SH3D19: variants seen among roughly 807,000 people sequenced by gnomAD.
The protein encoded by SH3D19 is SH3 domain containing 19.
In SH3D19, 58 loss-of-function variants were observed where a neutral mutation model predicts 112.1. The observed-to-expected ratio is 0.52, with a 90% confidence interval of 0.42 to 0.64. The LOEUF is 0.64. SH3D19 is among the 30% of genes least tolerant of loss of function. SH3D19 has a pLI of 0.00. For synonymous variants in SH3D19, 391 were observed against 448.5 expected (o/e 0.87, Z 1.62); for missense variants, 1,090 against 1,263.4 (o/e 0.86, Z 2.08).
intron 2 of SH3D19, among the ~76,000 whole-genome samples, chr4:151,200,241 T>TACATACATACACATACAC (rs1764205098): frequency 1.3e-5 from 2 of 149,572 alleles, no homozygotes; most frequent in Non-Finnish European, 3.0e-5. Context: ...CATACACACA[T>TACATACATACACATACAC]ACATACATAC....
chr4:151,127,831 G>GGT (rs1749750690), intron 18 of SH3D19, 116 bp from the exon 19 acceptor site: 1 of 528,376 alleles, frequency 1.9e-6, no homozygotes, highest in African/African-American at 2.0e-5. Flanking sequence ...TCTCTTCAGA[G>GGT]GTAGTGATAT....
chr4:151,252,158 T>G (rs1771467965), intron 1 of SH3D19, among the ~76,000 whole-genome samples: 1 of 152,234 alleles, frequency 6.6e-6, no homozygotes, highest in Non-Finnish European at 1.5e-5. Context: ...TTCTGTGTCA[T>G]CAATTTCCTC....
At chr4:151,194,489 G>A (rs946794166) in intron 2 of SH3D19, among the ~76,000 whole-genome samples, 8 of 151,048 alleles carry the variant, frequency 5.3e-5, no homozygotes, top group Non-Finnish European at 1.0e-4. Flanking sequence ...AACAACTACA[G>A]ACTGATTTTT....
chr4:151,304,901 G>A (rs1047159671), intron 1 of SH3D19, among the ~76,000 whole-genome samples: 1 of 152,176 alleles, frequency 6.6e-6, no homozygotes, highest in Non-Finnish European at 1.5e-5. Context: ...TACTGAAGGT[G>A]TGTCAAAACA....
At chr4:151,196,800 AAAAC>A (rs1763534531) in intron 2 of SH3D19, among the ~76,000 whole-genome samples, 1 of 152,220 alleles carries the variant, frequency 6.6e-6, no homozygotes, top group South Asian at 2.1e-4. Context: ...CAGCAAGTAA[AAAAC>A]AAACAATCCC....
At chr4:151,265,565 TTTTC>T (rs1280775549) in intron 1 of SH3D19, among the ~76,000 whole-genome samples, 2 of 102,176 alleles carry the variant, frequency 2.0e-5, no homozygotes, top group Non-Finnish European at 4.6e-5. Flanking sequence ...ATTTTATTTC[TTTTC>T]TTTTTTTTTT....
rs1035884609 is a variant in SH3D19, at chr4:151,265,409, G to C, written c.113-39323C>G. 2.6e-5 allele frequency among the ~76,000 whole-genome samples: 4 copies of C among 151,172 alleles called. No individual in the cohort carries two copies. The South Asian group carries it at 6.3e-4, about 24-fold the overall frequency. On this transcript the variant is annotated intron_variant, in intron 1 of 19. Transcript: ENST00000604030. Reference sequence around the variant, plus strand: ...GAGAAGATGATGGATCTAGATAGTGGAGCCAAAAAATAGAAGGAGATAAAA... The same window carrying C: ...GAGAAGATGATGGATCTAGATAGTGCAGCCAAAAAATAGAAGGAGATAAAA...
At chr4:151,129,322 A>G (rs529931812) in intron 17 of SH3D19, among the ~76,000 whole-genome samples, 7 of 152,310 alleles carry the variant, frequency 4.6e-5, no homozygotes, top group African/African-American at 1.7e-4. Context: ...CCAATTTGGG[A>G]TGGGAACCCT....
intron 1 of SH3D19, among the ~76,000 whole-genome samples, chr4:151,284,111 T>C (rs1774509690): frequency 6.6e-6 from 1 of 152,210 alleles, no homozygotes; most frequent in Non-Finnish European, 1.5e-5. Flanking sequence ...ATCTATTCTT[T>C]AACATATTTC....
chr4:151,137,687 C>A, intron 14 of SH3D19, 45 bp downstream of exon 14: 1 of 1,477,568 alleles, frequency 6.8e-7, no homozygotes, highest in Non-Finnish European at 9.0e-7. Context: ...TCACATAGAA[C>A]CCACTGAGTA....
At chr4:151,287,097 T>C in intron 1 of SH3D19, among the ~76,000 whole-genome samples, 1 of 151,602 alleles carries the variant, frequency 6.6e-6, no homozygotes, top group East Asian at 1.9e-4. Context: ...TCCCAGCACT[T>C]TGGGAGGCCG....
intron 2 of SH3D19, among the ~76,000 whole-genome samples, chr4:151,203,575 C>G (rs1028889866): frequency 6.6e-6 from 1 of 152,100 alleles, no homozygotes; most frequent in Non-Finnish European, 1.5e-5. Flanking sequence ...GATGCCAGCC[C>G]CACCAACTTA....
intron 1 of SH3D19, among the ~76,000 whole-genome samples, chr4:151,246,547 TAGAA>T (rs1392666358): frequency 6.6e-6 from 1 of 152,210 alleles, no homozygotes; most frequent in Non-Finnish European, 1.5e-5. Context: ...CTCCAGGAAA[TAGAA>T]AGGTGAGATA....
At chr4:151,126,901 C>G (rs1047648364) in intron 19 of SH3D19, among the ~76,000 whole-genome samples, 1 of 137,146 alleles carries the variant, frequency 7.3e-6, no homozygotes, top group African/African-American at 2.7e-5. Flanking sequence ...CCTTTGCAAA[C>G]TAGCTCAACC....
intron 1 of SH3D19, among the ~76,000 whole-genome samples, chr4:151,242,733 G>A (rs1366488446): frequency 6.6e-6 from 1 of 152,114 alleles, no homozygotes; most frequent in Non-Finnish European, 1.5e-5. Flanking sequence ...CAGTTGATTA[G>A]GAAATTAATG....
chr4:151,238,945 G>A (rs1264224305), intron 1 of SH3D19, among the ~76,000 whole-genome samples: 1 of 151,922 alleles, frequency 6.6e-6, no homozygotes, highest in Non-Finnish European at 1.5e-5. Context: ...AAATGATACA[G>A]AAATACAAAC....
At chr4:151,280,627 A>T (rs1292727690) in intron 1 of SH3D19, among the ~76,000 whole-genome samples, 1 of 152,156 alleles carries the variant, frequency 6.6e-6, no homozygotes, top group African/African-American at 2.4e-5. Context: ...AACAACACTG[A>T]AAGTTCAATG....
chr4:151,201,893 T>C (rs960023497), intron 2 of SH3D19, among the ~76,000 whole-genome samples: 1 of 151,220 alleles, frequency 6.6e-6, no homozygotes, highest in Non-Finnish European at 1.5e-5. Context: ...CTACCTGTAA[T>C]CTCAGATAAT....
intron 17 of SH3D19, among the ~76,000 whole-genome samples, chr4:151,131,548 G>A (rs919079700): frequency 2.0e-5 from 3 of 149,760 alleles, no homozygotes; most frequent in African/African-American, 7.4e-5. Flanking sequence ...GTGCAGTGGC[G>A]CAATCTTGGC....
Sources: allele counts gnomAD v4.1 joint callset (sites outside exome capture counted in the v4.1 genomes callset), GRCh38; gene constraint gnomAD v4.1.1; transcripts MANE v1.5; gene names NCBI Gene and HGNC (gene_info 2026-07-23, HGNC 2026-07-21).